Variants in SPAG1 observed in about 807,000 individuals in gnomAD.
SPAG1 encodes sperm associated antigen 1.
SPAG1 carries 69 observed loss-of-function variants against 100.5 expected under a neutral mutation model. The ratio of observed to expected loss-of-function variants is 0.69; its 90% CI spans 0.57 to 0.84. SPAG1 has a LOEUF of 0.84. Ranked by LOEUF, SPAG1 falls within the 40% of genes least tolerant of loss-of-function variation. SPAG1 has a pLI of 0.00. For synonymous variants in SPAG1, 336 were observed against 411.6 expected (o/e 0.82, Z 2.22); for missense variants, 955 against 1,133.1 (o/e 0.84, Z 2.26).
chr8:100,210,421 G>A (rs955695378), intron 10 of SPAG1, among the ~76,000 whole-genome samples: 7 of 152,072 alleles, frequency 4.6e-5, no homozygotes, highest in African/African-American at 1.7e-4. Flanking sequence ...ATTTTGCTGA[G>A]GATTTTTGGT....
intron 8 of SPAG1, among the ~76,000 whole-genome samples, chr8:100,189,301 C>T (rs908530558): frequency 6.6e-6 from 1 of 151,956 alleles, no homozygotes; most frequent in Non-Finnish European, 1.5e-5. Flanking sequence ...TGTGGCGAAA[C>T]TCCATCTCTA....
intron 3 of SPAG1, among the ~76,000 whole-genome samples, chr8:100,166,794 C>T (rs964571922): frequency 2.6e-5 from 4 of 151,992 alleles, no homozygotes; most frequent in African/African-American, 9.7e-5. Context: ...GTAATCCCAG[C>T]CATTCAGGAG....
At chr8:100,210,558 GTTTT>G (rs1484100846) in intron 10 of SPAG1, among the ~76,000 whole-genome samples, 1 of 151,970 alleles carries the variant, frequency 6.6e-6, no homozygotes, top group Non-Finnish European at 1.5e-5. Context: ...ATGCGCTCCT[GTTTT>G]TTTCTCTCAT....
chr8:100,235,405 AGG>A (rs1360788416), intron 16 of SPAG1, among the ~76,000 whole-genome samples: 1 of 152,074 alleles, frequency 6.6e-6, no homozygotes, highest in Non-Finnish European at 1.5e-5. Flanking sequence ...GGCCAATTCA[AGG>A]GTTTATGGTA....
At chr8:100,170,293 A>G (rs758281949) in intron 3 of SPAG1, among the ~76,000 whole-genome samples, 2 of 152,230 alleles carry the variant, frequency 1.3e-5, no homozygotes, top group Admixed American at 6.5e-5. Flanking sequence ...TATGTAGCTC[A>G]TGCTATTATA....
rs1818863436 is a variant in SPAG1, at chr8:100,233,368, AT to A, written c.1989-42del. 3 of 1,608,186 alleles carry A rather than the reference AT, an allele frequency of 1.9e-6. No homozygotes were observed. The African/African-American group carries it at 4.0e-5, about 22-fold the overall frequency. The stretch of plus-strand genomic sequence containing the variant: ...GCTGTCTAAAACTTACAGATAGCCA[AT>A]CTTTACCTTTCATAATACTGAGTTC... On this transcript the variant is annotated intron_variant, in intron 15 of 18. Coordinates refer to ENST00000388798, the MANE Select transcript of SPAG1 (RefSeq NM_003114.5).
At chr8:100,214,971 A>G (rs1467925451) in intron 12 of SPAG1, among the ~76,000 whole-genome samples, 1 of 119,116 alleles carries the variant, frequency 8.4e-6, no homozygotes, top group Non-Finnish European at 1.7e-5. Context: ...CAGACAAGAG[A>G]CTCTGTAAAC....
rs1405351575 is a variant in SPAG1, at chr8:100,160,077, A to G, written c.-3+1461A>G. ...AAGTAATATATGTAAAGTACTTAGA[A>G]TGGTGCCTAGCACACATTAAGAACT... On this transcript the variant is annotated intron_variant, in intron 1 of 18. Transcript: ENST00000388798. 2.0e-5 allele frequency among the ~76,000 whole-genome samples: 3 copies of G among 152,256 alleles called. No homozygotes were observed. The East Asian group carries it at 5.8e-4, about 29-fold the overall frequency.
intron 13 of SPAG1, among the ~76,000 whole-genome samples, chr8:100,223,481 T>C (rs1310231646): frequency 6.6e-6 from 1 of 152,106 alleles, no homozygotes; most frequent in Non-Finnish European, 1.5e-5. Context: ...ATATACAATA[T>C]CTGTTTAAAA....
intron 3 of SPAG1, among the ~76,000 whole-genome samples, chr8:100,167,493 T>C (rs1303265768): frequency 6.6e-6 from 1 of 152,220 alleles, no homozygotes; most frequent in Non-Finnish European, 1.5e-5. Flanking sequence ...TCTCTCAAAA[T>C]ATCTTACTGT....
At chr8:100,218,200 G>A (rs1818096147) in intron 12 of SPAG1, among the ~76,000 whole-genome samples, 1 of 152,138 alleles carries the variant, frequency 6.6e-6, no homozygotes, top group African/African-American at 2.4e-5. Flanking sequence ...TGTAAGCTCT[G>A]CTTCAAAAGT....
At chr8:100,202,959 C>T (rs1817351455) in intron 10 of SPAG1, among the ~76,000 whole-genome samples, 1 of 152,108 alleles carries the variant, frequency 6.6e-6, no homozygotes, top group African/African-American at 2.4e-5. Flanking sequence ...ATTGAGCCTA[C>T]CACTGCACTC....
At position 100,225,325 on chromosome 8, in the gene SPAG1, A is replaced by T; in HGVS notation, c.1841A>T (p.Gln614Leu). The T allele has an allele frequency of 6.2e-7, 1 of 1,613,664 alleles. No homozygotes were observed. The highest frequency in any genetic ancestry group is 8.5e-7 in the Non-Finnish European group (1 of 1,179,984). Reference protein sequence around the residue: ...KQAGDSSSHRQQGITDEKTFK... With the variant: ...KQAGDSSSHRLQGITDEKTFK... The stretch of plus-strand genomic sequence containing the variant: ...GCAGGAGACTCCAGCAGCCATCGCC[A>T]GCAGGGCATCACAGGTGGGGGATGC... Residue 614 changes from glutamine (Q) to leucine (L), a missense_variant, in exon 14 of 19, where the codon CAG (glutamine) becomes CTG (leucine). By Grantham distance (113) the Gln-to-Leu change is moderately radical. Transcript: ENST00000388798.
chr8:100,215,176 A>AC (rs1352671709), intron 12 of SPAG1, among the ~76,000 whole-genome samples: 2 of 150,404 alleles, frequency 1.3e-5, no homozygotes, highest in East Asian at 3.9e-4. Flanking sequence ...TCTTCCCCCT[A>AC]CCCTTTCCAT....
intron 13 of SPAG1, among the ~76,000 whole-genome samples, chr8:100,221,605 A>G (rs1288674427): frequency 6.6e-6 from 1 of 152,170 alleles, no homozygotes; most frequent in Non-Finnish European, 1.5e-5. Context: ...GGAAAAAATG[A>G]CATGGTCTCC....
chr8:100,161,654 G>C (rs1815311761), intron 1 of SPAG1, among the ~76,000 whole-genome samples: 1 of 152,166 alleles, frequency 6.6e-6, no homozygotes, highest in Non-Finnish European at 1.5e-5. Flanking sequence ...CAAGTTTATG[G>C]AGGGTCTGAA....
Position 100,183,983 on chromosome 8 carries a change from A to G in SPAG1, c.516A>G (p.Lys172=). The change falls in exon 6 of 19, where the codon AAA becomes AAG. Residue 172 remains lysine (K), a synonymous_variant. Coordinates refer to ENST00000388798, the MANE Select transcript of SPAG1 (RefSeq NM_003114.5). ...DKFDVEKECL[K]IDEDYKEKTV... is the part of the protein sequence containing the mutation. The stretch of plus-strand genomic sequence containing the variant: ...TTGACGTGGAGAAGGAATGTTTAAA[A>G]ATTGATGAAGATTACAAAGAAAAGA... The G allele has an allele frequency of 6.5e-7, 1 of 1,547,154 alleles. No homozygotes were observed. Among genetic ancestry groups the G allele is most frequent in the South Asian group, 1.2e-5 (1 of 80,788 alleles).
At chr8:100,198,345 A>T (rs1022804515) in intron 10 of SPAG1, among the ~76,000 whole-genome samples, 1 of 151,966 alleles carries the variant, frequency 6.6e-6, no homozygotes, top group Non-Finnish European at 1.5e-5. Context: ...TAGGCGCCAT[A>T]AAAAAAACTA....
At chr8:100,163,410 T>TC (rs1815406238) in intron 2 of SPAG1, among the ~76,000 whole-genome samples, 1 of 150,968 alleles carries the variant, frequency 6.6e-6, no homozygotes, top group East Asian at 1.9e-4. Context: ...TTTCTTTCTT[T>TC]TTTTTTTTTT....
Sources: allele counts gnomAD v4.1 joint callset (sites outside exome capture counted in the v4.1 genomes callset), GRCh38; gene constraint gnomAD v4.1.1; transcripts MANE v1.5; gene names NCBI Gene and HGNC (gene_info 2026-07-23, HGNC 2026-07-21).